The following PPP2R5C variants were observed in gnomAD, a reference collection of about 807,000 sequenced individuals.
PPP2R5C encodes protein phosphatase 2 regulatory subunit B'gamma.
PPP2R5C carries 7 observed loss-of-function variants against 68.9 expected under a neutral mutation model. The observed-to-expected ratio is 0.10, with a 90% CI of 0.06 to 0.19. The LOEUF (loss-of-function observed/expected upper bound fraction) is 0.19, where lower values mean the gene tolerates loss of function less well. Ranked by LOEUF, PPP2R5C falls within the 10% of genes least tolerant of loss-of-function variation. The pLI, the probability that PPP2R5C is intolerant of heterozygous loss-of-function variation, is 1.00. For synonymous variants in PPP2R5C, 210 were observed against 222.2 expected, an observed-to-expected ratio of 0.95 and a Z score of 0.49; for missense variants, 348 against 641.3, an observed-to-expected ratio of 0.54 and a Z score of 4.94.
chr14:101,834,808 A>G (rs931817132), intron 1 of PPP2R5C, among the ~76,000 whole-genome samples: 1 of 152,202 alleles, frequency 6.6e-6, no homozygotes, highest in Non-Finnish European at 1.5e-5. Flanking sequence ...TTCCTCTCCC[A>G]AGATGACTTT....
intron 13 of PPP2R5C, among the ~76,000 whole-genome samples, chr14:101,919,775 C>T (rs1380059231): frequency 1.3e-5 from 2 of 152,092 alleles, no homozygotes; most frequent in Non-Finnish European, 2.9e-5. Context: ...TGAAACAAGC[C>T]TGGCCAACAT....
intron 7 of PPP2R5C, among the ~76,000 whole-genome samples, chr14:101,893,469 G>A (rs981345294): frequency 2.6e-5 from 4 of 152,024 alleles, no homozygotes; most frequent in East Asian, 1.9e-4. Context: ...CTATGAAAAC[G>A]TTTTTTAAAA....
intron 1 of PPP2R5C, among the ~76,000 whole-genome samples, chr14:101,828,674 C>T (rs767262233): frequency 5.4e-4 from 78 of 145,318 alleles, no homozygotes; most frequent in Non-Finnish European, 7.6e-4. Context: ...TTCACAGATA[C>T]TCTTTTTTTT....
chr14:101,840,045 T>C (rs1371357655), intron 1 of PPP2R5C, among the ~76,000 whole-genome samples: 3 of 152,180 alleles, frequency 2.0e-5, no homozygotes, highest in Non-Finnish European at 4.4e-5. Flanking sequence ...ACATTAGCCA[T>C]TGAATACTAA....
chr14:101,768,019 C>T (rs1287439614), intron 2 of PPP2R5C, among the ~76,000 whole-genome samples: 1 of 152,206 alleles, frequency 6.6e-6, no homozygotes, highest in Non-Finnish European at 1.5e-5. Flanking sequence ...GAACACTTGA[C>T]TGTGGGGCAA....
intron 2 of PPP2R5C, among the ~76,000 whole-genome samples, chr14:101,780,471 C>T (rs536554992): frequency 1.2e-4 from 18 of 152,282 alleles, no homozygotes; most frequent in South Asian, 4.1e-4. Flanking sequence ...TCTTAGTTGT[C>T]GCCGCTTGGG....
chr14:101,847,020 A>G (rs2041867354), intron 1 of PPP2R5C, among the ~76,000 whole-genome samples: 1 of 152,212 alleles, frequency 6.6e-6, no homozygotes, highest in Non-Finnish European at 1.5e-5. Context: ...GTTTATGTAG[A>G]TGTTGCATTC....
At chr14:101,925,461 C>T in exon 14 of PPP2R5C, 1 of 1,026,940 alleles carries the variant, frequency 9.7e-7, no homozygotes, top group Non-Finnish European at 1.3e-6. Context: ...CCAGAGCCCG[C>T]TGGCAGAGCC....
At chr14:101,767,080 T>C (rs1274680798) in intron 2 of PPP2R5C, 1 of 152,234 alleles carries the variant, frequency 6.6e-6, no homozygotes, top group Non-Finnish European at 1.5e-5. Flanking sequence ...TGTTTGAAAG[T>C]CTCTACAGCA....
At chr14:101,854,242 G>A (rs1033895987) in intron 1 of PPP2R5C, among the ~76,000 whole-genome samples, 5 of 152,148 alleles carry the variant, frequency 3.3e-5, no homozygotes, top group Admixed American at 3.3e-4. Context: ...CCTTGCGTGT[G>A]TGCTTCTGAT....
chr14:101,767,026 G>A (rs758034076), intron 2 of PPP2R5C: 9 of 152,176 alleles, frequency 5.9e-5, no homozygotes, highest in South Asian at 4.1e-4. Context: ...ATTAAAGGTC[G>A]TTTGAGTATT....
chr14:101,779,396 G>A (rs887665075), intron 2 of PPP2R5C, among the ~76,000 whole-genome samples: 6 of 152,184 alleles, frequency 3.9e-5, no homozygotes, highest in Admixed American at 6.5e-5. Flanking sequence ...GCCTGGCTGC[G>A]TGTATGAGTG....
chr14:101,892,113 G>A (rs945454263), intron 6 of PPP2R5C, among the ~76,000 whole-genome samples: 4 of 151,984 alleles, frequency 2.6e-5, no homozygotes, highest in African/African-American at 4.8e-5. Flanking sequence ...CCGCCACCGC[G>A]CCTGGCTATT....
chr14:101,777,775 A>C lies in PPP2R5C; in HGVS notation c.94-8243A>C, dbSNP rs2037497529. Among the ~76,000 whole-genome samples the C allele has an allele frequency of 2.6e-5, 4 of 151,862 alleles. No individual in the cohort carries two copies. In the South Asian group the frequency reaches 8.3e-4, roughly 32 times the overall value. ...CAATTGTAGTTCCACGTCCTTTATG[A>C]CCCTTGTTTTTTGTTGAGACAGGGT... On this transcript the variant is annotated intron_variant, in intron 2 of 14. Coordinates refer to the PPP2R5C transcript ENST00000328724.
At chr14:101,865,911 C>T (rs1271404263) in intron 2 of PPP2R5C, among the ~76,000 whole-genome samples, 1 of 152,020 alleles carries the variant, frequency 6.6e-6, no homozygotes, top group Non-Finnish European at 1.5e-5. Context: ...GGTTACTTAA[C>T]TTTTTTTTGA....
intron 1 of PPP2R5C, among the ~76,000 whole-genome samples, chr14:101,822,089 CA>C (rs562474041): frequency 0.02 from 2,489 of 124,876 alleles, 109 homozygotes; most frequent in African/African-American, 0.074. Flanking sequence ...GCCCCCCCCC[CA>C]CACACACACA....
rs1168732635 is a variant in PPP2R5C at position 101,826,875 on chromosome 14, T to TC, written c.94+16839_94+16840insC. On this transcript the variant is annotated intron_variant, in intron 1 of 13. Transcript: ENST00000334743. ...GGTCCATAAGGAACCCCTAAAATGT[T>TC]TAAGTTTCTGAAATCCCTGGTTGTA... 3.3e-5 allele frequency among the ~76,000 whole-genome samples: 5 copies of TC among 152,160 alleles called. No homozygotes were observed. In the East Asian group the frequency reaches 9.6e-4, roughly 29 times the overall value.
chr14:101,789,248 A>G (rs1476193872), intron 3 of PPP2R5C, among the ~76,000 whole-genome samples: 6 of 152,244 alleles, frequency 3.9e-5, no homozygotes, highest in Non-Finnish European at 1.5e-5. Flanking sequence ...AACAGAGGTG[A>G]TAGCAGGCAT....
chr14:101,895,167 A>T (rs1443824286), intron 8 of PPP2R5C, among the ~76,000 whole-genome samples: 9 of 152,204 alleles, frequency 5.9e-5, no homozygotes, highest in Admixed American at 5.9e-4. Context: ...TAACAAAGCC[A>T]GACATGTCAG....
Sources: gnomAD v4.1 joint callset for allele counts (sites outside exome capture counted in the v4.1 genomes callset) on GRCh38, gnomAD v4.1.1 for gene constraint, MANE v1.5 for transcripts, NCBI Gene and HGNC (gene_info 2026-07-23, HGNC 2026-07-21) for gene names.